The following NUP205 variants were observed in gnomAD, a reference collection of about 807,000 sequenced individuals.
NUP205 encodes the protein nucleoporin 205.
Under a neutral mutation model 253.8 loss-of-function variants are expected in NUP205, and 76 were observed. That is an observed-to-expected ratio of 0.30 (90% CI 0.25 to 0.36). The LOEUF is 0.36. Ranked by LOEUF, NUP205 falls within the 10% of genes least tolerant of loss-of-function variation. NUP205 has a pLI of 1.00. For synonymous variants in NUP205, 832 were observed against 850.1 expected (o/e 0.98, Z 0.37); for missense variants, 2,162 against 2,425.5 (o/e 0.89, Z 2.28).
chr7:135,623,078 G>C (rs995616034), intron 31 of NUP205, among the ~76,000 whole-genome samples, 153 bp downstream of exon 31: 1 of 152,158 alleles, frequency 6.6e-6, no homozygotes, highest in African/African-American at 2.4e-5. Flanking sequence ...AGGAGTTTGA[G>C]ACTAGCCTGG....
chr7:135,570,654 T>TATTATTTATAATTA (rs1805933268), intron 1 of NUP205, among the ~76,000 whole-genome samples: 1 of 127,782 alleles, frequency 7.8e-6, no homozygotes, highest in African/African-American at 3.0e-5. Context: ...AGCAATCATT[T>TATTATTTATAATTA]ATTATATTAA....
rs1451287923 is a variant in NUP205, at chr7:135,628,040, C to T, written c.4861C>T (p.Leu1621Phe). 1 of 1,611,288 alleles carries T rather than the reference C, an allele frequency of 6.2e-7. No homozygotes were observed. Among genetic ancestry groups the T allele is most frequent in the Non-Finnish European group, 8.5e-7 (1 of 1,179,546 alleles). ...TPVDRYRQIL[L>F]PALQLCQVIL... Reference sequence around the variant, plus strand: ...AGTGGATCGCTACCGCCAGATTCTCCTCCCAGCTCTCCAGCTGTGCCAGGT... The same window carrying T: ...AGTGGATCGCTACCGCCAGATTCTCTTCCCAGCTCTCCAGCTGTGCCAGGT... Residue 1621 changes from leucine to phenylalanine, a missense_variant, in exon 34 of 43, where the codon CTC becomes TTC. Physicochemically the swap from Leu to Phe is conservative, Grantham distance 22. This residue lies in a region of NUP205 where 1,144 missense variants were observed against 1,280.9 expected (regional missense o/e 0.89). Transcript: ENST00000285968.
chr7:135,604,403 T>C lies in NUP205; in HGVS notation c.2766T>C (p.Cys922=). 6.2e-7 allele frequency: 1 copy of C among 1,612,632 alleles called. No homozygotes were observed. Among genetic ancestry groups the C allele is most frequent in the South Asian group, 1.1e-5 (1 of 90,958 alleles). The part of the protein sequence containing the change: ...LAFESAKILC[C]ISCNSNIQIK... Reference sequence around the variant, plus strand: ...TTGAAAGTGCCAAGATCCTCTGTTGTATCTCTTGCAACTCTAATATTCAGA... The same window carrying C: ...TTGAAAGTGCCAAGATCCTCTGTTGCATCTCTTGCAACTCTAATATTCAGA... The change falls in exon 19 of 43, where the codon TGT becomes TGC. Residue 922 remains cysteine (C), a synonymous_variant. Coordinates refer to ENST00000285968, the MANE Select transcript of NUP205 (RefSeq NM_015135.3).
At chr7:135,623,351 A>G (rs1254639096) in intron 31 of NUP205, among the ~76,000 whole-genome samples, 1 of 152,236 alleles carries the variant, frequency 6.6e-6, no homozygotes, top group African/African-American at 2.4e-5. Context: ...ATCATTTTTT[A>G]TAATATACTG....
chr7:135,627,292 A>G (rs1205097803), intron 33 of NUP205, among the ~76,000 whole-genome samples: 1 of 152,228 alleles, frequency 6.6e-6, no homozygotes, highest in Admixed American at 6.5e-5. Context: ...AAGTGATTTT[A>G]CAGCCTCATT....
Position 135,588,121 on chromosome 7 carries a change from T to TA in NUP205, c.1473+130dup, listed in dbSNP as rs1202279538. 8 of 628,178 alleles carry TA rather than the reference T, an allele frequency of 1.3e-5. No individual in the cohort carries two copies. In the African/African-American group the frequency reaches 1.3e-4, roughly 10 times the overall value. The allele number at this position is 628,178 out of a possible 1,614,324, so 38.9% of individuals were successfully genotyped here. On this transcript the variant is annotated intron_variant, in intron 10 of 42. Transcript: ENST00000285968. ...ATCACTAGTGTAACCTTTAGAGACT[T>TA]ACACTTTTTAAATTTTATTTATTTA...
chr7:135,580,800 CATAG>C (rs917673127), intron 7 of NUP205, among the ~76,000 whole-genome samples: 2 of 151,910 alleles, frequency 1.3e-5, no homozygotes, highest in Non-Finnish European at 2.9e-5. Flanking sequence ...TATAGTTATA[CATAG>C]ATAGTTATTA....
At chr7:135,629,954 T>A (rs1433600153) in intron 34 of NUP205, among the ~76,000 whole-genome samples, 2 of 152,274 alleles carry the variant, frequency 1.3e-5, no homozygotes, top group African/African-American at 4.8e-5. Flanking sequence ...GTCATTTTTA[T>A]ACCCATTTAT....
Position 135,577,090 on chromosome 7 carries a change from CGA to C in NUP205, c.618_619del (p.Gly207PhefsTer4). Reference sequence around the variant, plus strand: ...GAATAATGAGTTTGAGAAACTACAGCGAGAGAGAGGTTTGGGCAGTGAAAAAC... The same window carrying C: ...GAATAATGAGTTTGAGAAACTACAGCGAGAGAGGTTTGGGCAGTGAAAAAC... ...DVNNEFEKLQ[R>X]ERGLGSEKHR... On this transcript the variant is annotated frameshift_variant, in exon 5 of 43. Transcript: ENST00000285968. LOFTEE classifies it high-confidence loss of function. 6.2e-7 allele frequency: 1 copy of C among 1,613,360 alleles called. No homozygotes were observed.
intron 1 of NUP205, among the ~76,000 whole-genome samples, chr7:135,564,559 T>C (rs1805694020): frequency 6.6e-6 from 1 of 151,468 alleles, no homozygotes; most frequent in African/African-American, 2.4e-5. Flanking sequence ...GTTTTTTTTT[T>C]AAATAGAGAC....
intron 12 of NUP205, among the ~76,000 whole-genome samples, chr7:135,594,051 A>G (rs1793760978): frequency 6.6e-6 from 1 of 152,178 alleles, no homozygotes; most frequent in Non-Finnish European, 1.5e-5. Context: ...TACATATTGT[A>G]TACATATATC....
At chr7:135,623,603 T>C (rs536982125) in intron 31 of NUP205, among the ~76,000 whole-genome samples, 2 of 152,318 alleles carry the variant, frequency 1.3e-5, no homozygotes, top group Non-Finnish European at 2.9e-5. Context: ...AGAATTTGTA[T>C]TTATATTTCT....
chr7:135,630,306 C>T, intron 34 of NUP205, 38 bp from the exon 35 acceptor site: 1 of 1,473,698 alleles, frequency 6.8e-7, no homozygotes, highest in Non-Finnish European at 9.1e-7. Context: ...TCTACTTCTA[C>T]CTGTTTTTTC....
intron 1 of NUP205, among the ~76,000 whole-genome samples, chr7:135,560,871 C>T (rs1210491104): frequency 6.6e-6 from 1 of 152,052 alleles, no homozygotes; most frequent in African/African-American, 2.4e-5. Flanking sequence ...TTCTGTTTTG[C>T]AAGATGAAAA....
At chr7:135,562,845 T>C (rs1007335554) in intron 1 of NUP205, among the ~76,000 whole-genome samples, 8 of 152,120 alleles carry the variant, frequency 5.3e-5, no homozygotes, top group African/African-American at 1.9e-4. Flanking sequence ...CACTCGGTCA[T>C]CAAAATTCTT....
chr7:135,596,088 C>A (rs963553020), intron 13 of NUP205, among the ~76,000 whole-genome samples: 1 of 152,126 alleles, frequency 6.6e-6, no homozygotes, highest in Admixed American at 6.5e-5. Context: ...GCATGTGCCA[C>A]CACGCCCAGC....
intron 22 of NUP205, among the ~76,000 whole-genome samples, chr7:135,608,668 A>G (rs1794141476): frequency 6.6e-6 from 1 of 152,178 alleles, no homozygotes; most frequent in Non-Finnish European, 1.5e-5. Context: ...AGATCATGCC[A>G]CTGCACTCCA....
chr7:135,590,967 G>A (rs142140471), intron 10 of NUP205, among the ~76,000 whole-genome samples: 21 of 152,274 alleles, frequency 1.4e-4, no homozygotes, highest in African/African-American at 5.1e-4. Context: ...GAAGAAAAAG[G>A]GAAAATTAAG....
chr7:135,600,047 C>T (rs1384217455), intron 15 of NUP205, among the ~76,000 whole-genome samples: 1 of 152,066 alleles, frequency 6.6e-6, no homozygotes, highest in Non-Finnish European at 1.5e-5. Flanking sequence ...TTTTCTAACT[C>T]AACCTTGATA....
Sources: allele counts gnomAD v4.1 joint callset (sites outside exome capture counted in the v4.1 genomes callset), GRCh38; gene constraint gnomAD v4.1.1; regional missense constraint gnomAD v4.1.1; transcripts MANE v1.5; gene names NCBI Gene and HGNC (gene_info 2026-07-23, HGNC 2026-07-21).